FGF12: variants seen among roughly 807,000 people sequenced by gnomAD.
The protein encoded by FGF12 is fibroblast growth factor 12B.
A neutral mutation model predicts 23.6 loss-of-function variants in FGF12; 14 were observed. The observed-to-expected ratio is 0.59, with a 90% CI of 0.39 to 0.93. The LOEUF is 0.93. FGF12 is among the 40% of genes least tolerant of loss of function. The pLI is 0.00. For missense variants in FGF12, 175 were observed against 217.8 expected (o/e 0.80, Z 1.24); for synonymous variants, 62 against 77.3 (o/e 0.80, Z 1.04).
intron 4 of FGF12, among the ~76,000 whole-genome samples, chr3:192,195,117 T>C (rs1038537565): frequency 2.0e-5 from 3 of 152,218 alleles, no homozygotes; most frequent in Admixed American, 2.0e-4. Context: ...CACCAATTGC[T>C]TACCTCTTTC....
At chr3:192,238,138 G>A (rs1251326137) in intron 4 of FGF12, 3 of 152,720 alleles carry the variant, frequency 2.0e-5, no homozygotes, top group East Asian at 3.9e-4. Context: ...AATCCTGGGG[G>A]ATGGGGGATT....
intron 2 of FGF12, among the ~76,000 whole-genome samples, chr3:192,647,841 T>C (rs1716072053): frequency 1.3e-5 from 2 of 151,634 alleles, no homozygotes; most frequent in South Asian, 4.2e-4. Flanking sequence ...AAATAAGATG[T>C]GAATAAATGA....
intron 3 of FGF12, among the ~76,000 whole-genome samples, chr3:192,355,196 C>G (rs1223894067): frequency 1.3e-5 from 2 of 151,996 alleles, no homozygotes; most frequent in Admixed American, 6.5e-5. Flanking sequence ...TGAAAAATGA[C>G]TTATATAGGA....
At chr3:192,385,204 T>C (rs1719989589) in intron 2 of FGF12, among the ~76,000 whole-genome samples, 4 of 152,002 alleles carry the variant, frequency 2.6e-5, no homozygotes, top group Admixed American at 2.6e-4. Flanking sequence ...TGGAGTTCTG[T>C]TAGTATTTAT....
intron 2 of FGF12, among the ~76,000 whole-genome samples, chr3:192,651,884 T>C (rs1456424961): frequency 1.3e-5 from 2 of 152,216 alleles, no homozygotes; most frequent in African/African-American, 4.8e-5. Flanking sequence ...GAGCTAAGCT[T>C]CAATTGTCAG....
chr3:192,359,026 C>T (rs541820568), intron 3 of FGF12, among the ~76,000 whole-genome samples: 11 of 152,006 alleles, frequency 7.2e-5, no homozygotes, highest in East Asian at 3.9e-4. Context: ...CAGTTACAGA[C>T]GCAATAAATG....
At chr3:192,265,632 T>A (rs78451271) in intron 4 of FGF12, among the ~76,000 whole-genome samples, 5,504 of 152,090 alleles carry the variant, frequency 0.036, 320 homozygotes, top group African/African-American at 0.13. Flanking sequence ...ACTTTCAATA[T>A]CTATAAATGA....
At chr3:192,577,360 A>G (rs1712953728) in intron 2 of FGF12, among the ~76,000 whole-genome samples, 1 of 152,198 alleles carries the variant, frequency 6.6e-6, no homozygotes, top group South Asian at 2.1e-4. Context: ...CTTTTTTTAA[A>G]TGAACAAATG....
intron 2 of FGF12, among the ~76,000 whole-genome samples, chr3:192,591,836 T>C (rs1307142569): frequency 1.3e-5 from 2 of 151,850 alleles, no homozygotes; most frequent in African/African-American, 4.8e-5. Flanking sequence ...TGGGGAAGGA[T>C]GGGTGGAAGG....
At chr3:192,300,080 T>C (rs1715255238) in intron 4 of FGF12, among the ~76,000 whole-genome samples, 1 of 152,210 alleles carries the variant, frequency 6.6e-6, no homozygotes, top group South Asian at 2.1e-4. Flanking sequence ...ATAGAAACTC[T>C]GGCAAAACAT....
intron 2 of FGF12, among the ~76,000 whole-genome samples, chr3:192,418,535 A>C (rs6796445): frequency 0.37 from 55,731 of 151,966 alleles, 10,308 homozygotes; most frequent in Admixed American, 0.44. Context: ...GGTAGGGAAT[A>C]GAAGGGACAT....
chr3:192,498,311 C>T (rs1039676824), intron 2 of FGF12, among the ~76,000 whole-genome samples: 2 of 152,216 alleles, frequency 1.3e-5, no homozygotes, highest in African/African-American at 4.8e-5. Flanking sequence ...CCGGCACCTA[C>T]TAGAAACAAA....
At chr3:192,649,920 T>C (rs1483527954) in intron 2 of FGF12, among the ~76,000 whole-genome samples, 1 of 152,210 alleles carries the variant, frequency 6.6e-6, no homozygotes, top group African/African-American at 2.4e-5. Context: ...GCAGCTTAAG[T>C]TTATTCTGTG....
chr3:192,197,350 A>G (rs1193510264), intron 4 of FGF12, among the ~76,000 whole-genome samples: 2 of 152,178 alleles, frequency 1.3e-5, no homozygotes, highest in African/African-American at 2.4e-5. Context: ...TTTAATATTC[A>G]GTGTGAGGTT....
chr3:192,358,364 ATTTATCTTAATAAAATATTAAGATAG>A (rs573395641), intron 3 of FGF12, among the ~76,000 whole-genome samples: 1 of 152,022 alleles, frequency 6.6e-6, no homozygotes, highest in Non-Finnish European at 1.5e-5. Context: ...AATTTATTAA[ATTTATCTTAATAAAATATTAAGATAG>A]TTTATCTTAA....
chr3:192,211,016 C>T (rs1363157751), intron 4 of FGF12, among the ~76,000 whole-genome samples: 2 of 152,116 alleles, frequency 1.3e-5, no homozygotes, highest in East Asian at 3.9e-4. Flanking sequence ...AGAGGTATGA[C>T]ATAATGTCTC....
intron 4 of FGF12, among the ~76,000 whole-genome samples, chr3:192,308,156 A>G (rs1441208370): frequency 6.6e-6 from 1 of 152,204 alleles, no homozygotes; most frequent in Non-Finnish European, 1.5e-5. Context: ...AGCTTTTAAG[A>G]ATGAAAACCA....
intron 2 of FGF12, among the ~76,000 whole-genome samples, chr3:192,443,317 C>T (rs914427320): frequency 2.6e-5 from 4 of 152,092 alleles, no homozygotes; most frequent in Admixed American, 2.6e-4. Flanking sequence ...CACTGTAGCT[C>T]CTATATCCAC....
Position 192,365,806 on chromosome 3 carries a change from C to T in FGF12, c.14-5268G>A, listed in dbSNP as rs145113189. On this transcript the variant is annotated intron_variant, in intron 2 of 5. Transcript: ENST00000445105. ...TATCTAGACGTTCCTGCCGGCTTGACAGTCCATCTAGTGCTATGAAGTATT... is the reference window on the plus strand; with the variant it reads ...TATCTAGACGTTCCTGCCGGCTTGATAGTCCATCTAGTGCTATGAAGTATT... Among the ~76,000 whole-genome samples, 11 of 151,958 alleles carry T rather than the reference C, an allele frequency of 7.2e-5. No individual in the cohort carries two copies. The East Asian group carries it at 1.9e-3, about 27-fold the overall frequency.
Sources: gnomAD v4.1 joint callset for allele counts (sites outside exome capture counted in the v4.1 genomes callset) on GRCh38, gnomAD v4.1.1 for gene constraint, MANE v1.5 for transcripts, NCBI Gene and HGNC (gene_info 2026-07-23, HGNC 2026-07-21) for gene names.